The following NCOR2 variants were observed in gnomAD, a reference collection of about 807,000 sequenced individuals.
The protein encoded by NCOR2 is CTG repeat protein 26.
NCOR2 carries 81 observed loss-of-function variants against 262.9 expected under a neutral mutation model. The observed-to-expected ratio is 0.31, with a 90% CI of 0.26 to 0.37. The LOEUF (loss-of-function observed/expected upper bound fraction) is 0.37, where lower values mean the gene tolerates loss of function less well. Ranked by LOEUF, NCOR2 falls within the 10% of genes least tolerant of loss-of-function variation. NCOR2 has a pLI of 1.00. For missense variants in NCOR2, 3,385 were observed against 3,621.4 expected (o/e 0.93, Z 1.68); for synonymous variants, 1,659 against 1,559.3 (o/e 1.06, Z -1.51).
At chr12:124,392,515 G>A (rs549819468) in intron 16 of NCOR2, among the ~76,000 whole-genome samples, 23 of 152,190 alleles carry the variant, frequency 1.5e-4, no homozygotes, top group East Asian at 3.9e-4. Flanking sequence ...CTCGAGTGTC[G>A]CCTCCTGCTG....
chr12:124,437,545 C>T (rs572416268), intron 8 of NCOR2, among the ~76,000 whole-genome samples: 13 of 152,316 alleles, frequency 8.5e-5, no homozygotes, highest in Admixed American at 2.0e-4. Flanking sequence ...TGTAAGGGTG[C>T]GCCTGCGGCC....
At chr12:124,385,490 G>A (rs530350113) in intron 17 of NCOR2, among the ~76,000 whole-genome samples, 89 of 152,336 alleles carry the variant, frequency 5.8e-4, no homozygotes, top group Non-Finnish European at 1.0e-3. Context: ...TCTGAGAGGA[G>A]TGGGGTGCAG....
chr12:124,339,219 A>ACCCCCCC (rs1555300759), intron 37 of NCOR2, among the ~76,000 whole-genome samples: 45 of 63,332 alleles, frequency 7.1e-4, no homozygotes, highest in Admixed American at 8.0e-4. Context: ...TCTACCTACC[A>ACCCCCCC]CCCACCCACC....
intron 20 of NCOR2, among the ~76,000 whole-genome samples, chr12:124,364,314 C>T (rs999726252): frequency 1.3e-5 from 2 of 152,180 alleles, no homozygotes; most frequent in Non-Finnish European, 2.9e-5. Context: ...CTGAGAGGCT[C>T]GGGTGCCAGG....
chr12:124,447,251 G>T (rs934239459), intron 7 of NCOR2, among the ~76,000 whole-genome samples: 3 of 152,218 alleles, frequency 2.0e-5, no homozygotes, highest in African/African-American at 4.8e-5. Context: ...GTTTGTTTGT[G>T]ATTTAGATTT....
At chr12:124,421,240 TG>T (rs1163558315) in intron 12 of NCOR2, among the ~76,000 whole-genome samples, 6 of 152,210 alleles carry the variant, frequency 3.9e-5, no homozygotes, top group African/African-American at 1.4e-4. Context: ...CAGACCCCTC[TG>T]GAAGCTCTAC....
At chr12:124,421,535 C>T (rs561649317) in intron 12 of NCOR2, among the ~76,000 whole-genome samples, 1 of 152,214 alleles carries the variant, frequency 6.6e-6, no homozygotes, top group South Asian at 2.1e-4. Context: ...TCTCCTTCTA[C>T]GGTTATCAGC....
chr12:124,541,942 G>A (rs2051378816), intron 1 of NCOR2, among the ~76,000 whole-genome samples: 1 of 148,174 alleles, frequency 6.7e-6, no homozygotes, highest in South Asian at 2.2e-4. Context: ...GTGGAGAGCT[G>A]GAAGGGGATG....
In NCOR2 at chr12:124,337,176, T is replaced by A. The variant is rs373637496; in HGVS notation, c.5692A>T (p.Thr1898Ser). 14 of 1,540,200 alleles carry A rather than the reference T, an allele frequency of 9.1e-6. No homozygotes were observed. In the African/African-American group the frequency reaches 1.8e-4, roughly 20 times the overall value. Residue 1898 changes from threonine to serine, a missense_variant, in exon 38 of 47, where the codon ACC becomes TCC. Around this residue, in one of 5 missense-constraint regions of NCOR2, gnomAD observed 1,017 missense variants for 967.2 expected, o/e 1.05. Transcript: ENST00000405201. ...GGGCGAACGGGTGAGGAGGTGGAGG[T>A]GGACCTGGGGGAGGAGAGAAGGCGG...
upstream of NCOR2, among the ~76,000 whole-genome samples, chr12:124,537,531 G>A (rs1223902986): frequency 6.6e-6 from 1 of 152,230 alleles, no homozygotes; most frequent in African/African-American, 2.4e-5. Flanking sequence ...ACCTCTCTGA[G>A]TCTCAGATTC....
intron 1 of NCOR2, among the ~76,000 whole-genome samples, chr12:124,509,863 C>T (rs867200346): frequency 6.6e-6 from 1 of 151,928 alleles, no homozygotes; most frequent in Non-Finnish European, 1.5e-5. Context: ...AGACACACCC[C>T]CCGACGGCCG....
Position 124,330,881 on chromosome 12 carries a change from TC to T in NCOR2, c.6921del (p.Thr2308ArgfsTer15). 6.3e-7 allele frequency: 1 copy of T among 1,583,206 alleles called. No individual in the cohort carries two copies. Among genetic ancestry groups the T allele is most frequent in the Non-Finnish European group, 8.6e-7 (1 of 1,164,234 alleles). On this transcript the variant is annotated frameshift_variant, in exon 44 of 47. Transcript: ENST00000405201. LOFTEE classifies it high-confidence loss of function. ...ATGGCGGGCATATTGAAGATCTCCG[TC>T]CCAGGCTGGCTGATATCTGGAAGCG...
At chr12:124,567,414 G>A (rs889683958) in exon 1 of NCOR2, 8 of 150,748 alleles carry the variant, frequency 5.3e-5, no homozygotes, top group African/African-American at 1.9e-4. Flanking sequence ...CAGCAGGCCC[G>A]GCCTCGGGTC....
intron 3 of NCOR2, among the ~76,000 whole-genome samples, chr12:124,474,634 T>C (rs1298945749): frequency 6.6e-6 from 1 of 152,156 alleles, no homozygotes; most frequent in African/African-American, 2.4e-5. Flanking sequence ...CAGCAGGTCA[T>C]TCAACTGCTT....
intron 1 of NCOR2, among the ~76,000 whole-genome samples, chr12:124,565,973 G>T (rs1225353661): frequency 6.6e-6 from 1 of 152,026 alleles, no homozygotes; most frequent in Admixed American, 6.5e-5. Flanking sequence ...CCCTCCCGGC[G>T]CAGTCTGGCC....
chr12:124,490,090 G>C (rs1476096015), intron 1 of NCOR2, among the ~76,000 whole-genome samples: 6 of 152,190 alleles, frequency 3.9e-5, no homozygotes, highest in Non-Finnish European at 7.3e-5. Flanking sequence ...CTACAGTCAA[G>C]AGAGCTCCCA....
chr12:124,413,027 C>T (rs528602790), intron 13 of NCOR2, among the ~76,000 whole-genome samples: 31 of 152,342 alleles, frequency 2.0e-4, no homozygotes, highest in African/African-American at 7.2e-4. Flanking sequence ...GGAAAGTGCA[C>T]GGTCCAGTGT....
chr12:124,456,512 T>C (rs1357875304), intron 6 of NCOR2, among the ~76,000 whole-genome samples: 1 of 151,794 alleles, frequency 6.6e-6, no homozygotes, highest in Non-Finnish European at 1.5e-5. Context: ...ATCATCGCCA[T>C]CATCATCATC....
At chr12:124,370,357 G>C (rs3782257) in intron 20 of NCOR2, among the ~76,000 whole-genome samples, 2 of 152,006 alleles carry the variant, frequency 1.3e-5, no homozygotes, top group South Asian at 2.1e-4. Flanking sequence ...AACCTATAGA[G>C]ATCCGGGTGA....
Sources: gnomAD v4.1 joint callset for allele counts (sites outside exome capture counted in the v4.1 genomes callset) on GRCh38, gnomAD v4.1.1 for gene constraint, gnomAD v4.1.1 regional missense constraint, MANE v1.5 for transcripts, NCBI Gene and HGNC (gene_info 2026-07-23, HGNC 2026-07-21) for gene names.